SHC4: variants seen among roughly 807,000 people sequenced by gnomAD.
SHC4 encodes SHC-transforming protein 4.
Under a neutral mutation model 69.4 loss-of-function variants are expected in SHC4, and 41 were observed. The ratio of observed to expected loss-of-function variants is 0.59; its 90% CI spans 0.46 to 0.77. The LOEUF is 0.77. SHC4 is among the 30% of genes least tolerant of loss of function. SHC4 has a pLI of 0.00. For synonymous variants in SHC4, 318 were observed against 299.3 expected (o/e 1.06, Z -0.64); for missense variants, 777 against 783.8 (o/e 0.99, Z 0.10).
intron 2 of SHC4, among the ~76,000 whole-genome samples, chr15:48,894,082 T>C (rs1429595275): frequency 6.6e-6 from 1 of 152,226 alleles, no homozygotes; most frequent in Non-Finnish European, 1.5e-5. Context: ...TCTTGTGATA[T>C]AGAGATAAAA....
chr15:48,902,062 T>G (rs562832083), intron 2 of SHC4, among the ~76,000 whole-genome samples: 1 of 152,000 alleles, frequency 6.6e-6, no homozygotes, highest in Admixed American at 6.6e-5. Context: ...GTTAGCCAGG[T>G]GTGTTTGCTT....
chr15:48,825,808 G>T lies in SHC4; in HGVS notation c.*163C>A. 1.3e-6 allele frequency: 1 copy of T among 781,630 alleles called. No homozygotes were observed. The highest frequency in any genetic ancestry group is 1.9e-6 in the Non-Finnish European group (1 of 519,502). The allele number at this position is 781,630 out of a possible 1,614,324, so 48.4% of individuals were successfully genotyped here. On this transcript the variant is annotated 3_prime_UTR_variant, in exon 12 of 12. Coordinates refer to ENST00000332408, the MANE Select transcript of SHC4 (RefSeq NM_203349.4). ...TTTTCATTTCTGAAGACTAATTTTT[G>T]TTAGTTCTTCATTTTATAGAGGACC... is the stretch of plus-strand genomic sequence containing the variant.
chr15:48,923,578 A>G (rs994618374), intron 2 of SHC4, among the ~76,000 whole-genome samples: 3 of 150,848 alleles, frequency 2.0e-5, no homozygotes, highest in African/African-American at 7.3e-5. Context: ...GAAAAAAGAA[A>G]AAGAAAATTT....
At chr15:48,961,191 A>T (rs1901540034) in intron 1 of SHC4, among the ~76,000 whole-genome samples, 1 of 152,092 alleles carries the variant, frequency 6.6e-6, no homozygotes, top group Admixed American at 6.5e-5. Flanking sequence ...CCCTGCTTCA[A>T]TCCATGTCAA....
At chr15:48,891,619 T>G (rs1900139474) in intron 2 of SHC4, among the ~76,000 whole-genome samples, 1 of 152,200 alleles carries the variant, frequency 6.6e-6, no homozygotes, top group African/African-American at 2.4e-5. Flanking sequence ...TGAACACATA[T>G]ATTAAACTTC....
intron 2 of SHC4, among the ~76,000 whole-genome samples, chr15:48,910,689 T>C (rs1387942236): frequency 2.6e-5 from 4 of 152,174 alleles, no homozygotes; most frequent in Non-Finnish European, 5.9e-5. Context: ...GTCTTTTTGA[T>C]GTAGACATTT....
At chr15:48,944,373 A>G (rs1275493635) in intron 1 of SHC4, among the ~76,000 whole-genome samples, 2 of 152,120 alleles carry the variant, frequency 1.3e-5, no homozygotes, top group African/African-American at 2.4e-5. Flanking sequence ...AGAGGATGTT[A>G]TTGGGTAGGA....
intron 1 of SHC4, among the ~76,000 whole-genome samples, chr15:48,925,474 ATCT>A (rs1900837248): frequency 6.6e-6 from 1 of 152,242 alleles, no homozygotes; most frequent in South Asian, 2.1e-4. Flanking sequence ...GGAATGTCAA[ATCT>A]TCTAAGTGGA....
At chr15:48,954,390 T>C (rs1901409942) in intron 1 of SHC4, among the ~76,000 whole-genome samples, 1 of 152,246 alleles carries the variant, frequency 6.6e-6, no homozygotes, top group Non-Finnish European at 1.5e-5. Context: ...TGCAGGTTTC[T>C]GGGCCCCAGC....
chr15:48,866,111 C>T (rs1356230363), intron 6 of SHC4, among the ~76,000 whole-genome samples: 1 of 152,154 alleles, frequency 6.6e-6, no homozygotes, highest in Non-Finnish European at 1.5e-5. Flanking sequence ...CCTGTCATTT[C>T]CATGTTAAGA....
At position 48,829,692 on chromosome 15, in the gene SHC4, G is replaced by A. The variant is rs187682622; in HGVS notation, c.1738-3566C>T. Among the ~76,000 whole-genome samples, 11 of 152,350 alleles carry A rather than the reference G, an allele frequency of 7.2e-5. No homozygotes were observed. The East Asian group carries it at 1.9e-3, about 27-fold the overall frequency. On this transcript the variant is annotated intron_variant, in intron 11 of 11. Coordinates refer to ENST00000332408, the MANE Select transcript of SHC4 (RefSeq NM_203349.4). The stretch of plus-strand genomic sequence containing the variant: ...CCCAACACTTTGGGAGGCCAAGCAG[G>A]TGGATTACCTGAGGTCAGGAGTTTG...
intron 1 of SHC4, among the ~76,000 whole-genome samples, chr15:48,955,588 T>A (rs570265828): frequency 2.6e-4 from 40 of 152,290 alleles, no homozygotes; most frequent in African/African-American, 9.1e-4. Flanking sequence ...CACACTGCCA[T>A]CCGCAGGGAC....
rs1393841962 is a variant in SHC4, at chr15:48,843,483, G to A, written c.1409C>T (p.Ala470Val). Residue 470 changes from alanine to valine, a missense_variant, in exon 10 of 12, where the codon GCT (alanine) becomes GTT (valine). Physicochemically the swap from Ala to Val is moderately conservative, Grantham distance 64. Coordinates refer to ENST00000332408, the MANE Select transcript of SHC4 (RefSeq NM_203349.4). ...AGCAGAGCCAGGTGTACTTTGAAGA[G>A]CCTGTGTATTAATGTAGCAGGGGTC... ...FDDPCYINTQ[A>V]LQSTPGSAGN... 1.9e-6 allele frequency: 3 copies of A among 1,614,020 alleles called. No individual in the cohort carries two copies. The African/African-American group carries it at 4.0e-5, about 22-fold the overall frequency.
chr15:48,894,468 C>T (rs1044110140), intron 2 of SHC4, among the ~76,000 whole-genome samples: 5 of 152,122 alleles, frequency 3.3e-5, no homozygotes, highest in Non-Finnish European at 5.9e-5. Flanking sequence ...GAAGGCACAT[C>T]AAAGATGTCC....
chr15:48,908,327 G>A (rs1178695470), intron 2 of SHC4, among the ~76,000 whole-genome samples: 2 of 152,106 alleles, frequency 1.3e-5, no homozygotes, highest in African/African-American at 4.8e-5. Context: ...TCATATGTTT[G>A]TTGGCCATTT....
In SHC4 at chr15:48,894,318, A is replaced by G. The variant is rs138013538; in HGVS notation, c.657-3507T>C. Among the ~76,000 whole-genome samples the G allele has an allele frequency of 2.8e-3, 433 of 152,344 alleles. 9 individuals carry two copies. Among genetic ancestry groups the G allele is most frequent in the Admixed American group, 0.022 (335 of 15,306 alleles). ...TTTCTGATTCTACCGATGTTTAGAT[A>G]TAAACAAGGTAAACAATGTTATGTT... On this transcript the variant is annotated intron_variant, in intron 2 of 11. Transcript: ENST00000332408.
chr15:48,956,181 T>C (rs1177866097), intron 1 of SHC4, among the ~76,000 whole-genome samples: 2 of 152,222 alleles, frequency 1.3e-5, no homozygotes, highest in Non-Finnish European at 2.9e-5. Context: ...TCATCAGTTT[T>C]AGCTGGAATT....
intron 7 of SHC4, 62 bp downstream of exon 7, chr15:48,857,629 TA>T (rs1318840612): frequency 8.1e-6 from 11 of 1,359,970 alleles, no homozygotes; most frequent in African/African-American, 1.5e-5. Context: ...CACAAATAAA[TA>T]CATACAGATA....
At chr15:48,887,035 C>A (rs149060279) in intron 3 of SHC4, among the ~76,000 whole-genome samples, 111 of 152,300 alleles carry the variant, frequency 7.3e-4, no homozygotes, top group Middle Eastern at 3.4e-3. Flanking sequence ...CAGCCTAGCT[C>A]TTCTACTCTA....
Sources: allele counts gnomAD v4.1 joint callset (sites outside exome capture counted in the v4.1 genomes callset), GRCh38; gene constraint gnomAD v4.1.1; transcripts MANE v1.5; gene names NCBI Gene and HGNC (gene_info 2026-07-23, HGNC 2026-07-21).